TCERG1L: variants seen among roughly 807,000 people sequenced by gnomAD.
TCERG1L encodes the protein transcription elongation regulator 1-like protein.
Under a neutral mutation model 56.3 loss-of-function variants are expected in TCERG1L, and 37 were observed. The observed-to-expected ratio is 0.66, with a 90% CI of 0.51 to 0.87. The LOEUF (loss-of-function observed/expected upper bound fraction) is 0.87. Ranked by LOEUF, TCERG1L falls within the 40% of genes least tolerant of loss-of-function variation. TCERG1L has a pLI of 0.00. For missense variants in TCERG1L, 799 were observed against 774.2 expected, an observed-to-expected ratio of 1.03 and a Z score of -0.38; for synonymous variants, 324 against 326.3, an observed-to-expected ratio of 0.99 and a Z score of 0.08.
chr10:131,177,763 C>G (rs186720565), intron 4 of TCERG1L, among the ~76,000 whole-genome samples: 1 of 152,080 alleles, frequency 6.6e-6, no homozygotes, highest in African/African-American at 2.4e-5. Flanking sequence ...GCTAAGGTCA[C>G]GGCAGGAGGC....
chr10:131,163,911 T>G (rs188456053), intron 5 of TCERG1L: 1 of 152,192 alleles, frequency 6.6e-6, no homozygotes, highest in African/African-American at 2.4e-5. Context: ...GGGCAGATCA[T>G]GAAGTCAAGA....
rs921665718 is a variant in TCERG1L, at chr10:131,311,654, C to G, written c.-19G>C. 4.5e-6 allele frequency: 5 copies of G among 1,100,706 alleles called. No individual in the cohort carries two copies. The African/African-American group carries it at 8.4e-5, about 19-fold the overall frequency. The allele number at this position is 1,100,706 out of a possible 1,614,324, so 68.2% of individuals were successfully genotyped here. A position where few individuals can be genotyped will look rare whatever the true frequency, so the allele number is the denominator to read the frequency against. The stretch of plus-strand genomic sequence containing the variant: ...CCTGCATCCTACATCCCCGCGCTGA[C>G]GGCGGCGGCGGGGGCGGCGGGCGCC... On this transcript the variant is annotated 5_prime_UTR_variant, in exon 1 of 12. Coordinates refer to ENST00000368642, the MANE Select transcript of TCERG1L (RefSeq NM_174937.4). The surrounding 1 kb of genome is among the most constrained non-coding windows in gnomAD (Gnocchi z 4.0).
chr10:131,154,439 G>A (rs1845897977), intron 6 of TCERG1L, among the ~76,000 whole-genome samples: 1 of 152,200 alleles, frequency 6.6e-6, no homozygotes, highest in African/African-American at 2.4e-5. Context: ...TGAATGCCCT[G>A]TTCCAGGAGT....
At chr10:131,237,941 A>G (rs1845930732) in intron 4 of TCERG1L, among the ~76,000 whole-genome samples, 1 of 152,210 alleles carries the variant, frequency 6.6e-6, no homozygotes, top group Non-Finnish European at 1.5e-5. Flanking sequence ...GAGTTGGAGT[A>G]TTTTAAACAA....
chr10:131,121,410 C>T (rs958652305), intron 8 of TCERG1L, among the ~76,000 whole-genome samples: 6 of 152,196 alleles, frequency 3.9e-5, no homozygotes, highest in Non-Finnish European at 8.8e-5. Context: ...GAAAATGCCT[C>T]GCAATACCGC....
intron 4 of TCERG1L, among the ~76,000 whole-genome samples, chr10:131,183,114 G>A (rs1406129214): frequency 6.6e-6 from 1 of 152,098 alleles, no homozygotes; most frequent in East Asian, 1.9e-4. Context: ...CACACAAAAT[G>A]CATTTTTATG....
intron 3 of TCERG1L, among the ~76,000 whole-genome samples, chr10:131,288,909 G>A (rs770450243): frequency 6.6e-6 from 1 of 152,162 alleles, no homozygotes; most frequent in Non-Finnish European, 1.5e-5. Flanking sequence ...CATTTCCACC[G>A]TCTGGCTTCC....
intron 4 of TCERG1L, among the ~76,000 whole-genome samples, chr10:131,221,022 C>G (rs975777918): frequency 1.3e-5 from 2 of 152,192 alleles, no homozygotes; most frequent in Non-Finnish European, 1.5e-5. Context: ...CTGAGGCCCC[C>G]CCAAGCGGCT....
chr10:131,280,819 C>T (rs531918201), intron 3 of TCERG1L, among the ~76,000 whole-genome samples: 5 of 152,234 alleles, frequency 3.3e-5, no homozygotes, highest in African/African-American at 1.2e-4. Context: ...GTGGACAGCT[C>T]TGAGCCTGCA....
At chr10:131,211,809 G>A (rs1366455370) in intron 4 of TCERG1L, among the ~76,000 whole-genome samples, 1 of 152,166 alleles carries the variant, frequency 6.6e-6, no homozygotes, top group Non-Finnish European at 1.5e-5. Flanking sequence ...GTCACCTCTA[G>A]TGCAGACGGC....
At position 131,103,882 on chromosome 10, in the gene TCERG1L, T is replaced by C. The variant is rs1589775130; in HGVS notation, c.1485+383A>G. On this transcript the variant is annotated intron_variant, in intron 10 of 11. Transcript: ENST00000368642. This position sits in a 1 kb window ranked among gnomAD's most constrained non-coding sequence, Gnocchi z 4.3. ...TTTGATTCTGACAACTTTCATATTATATAAGATTTTAAGCATATAAAACCT... is the reference window on the plus strand; with the variant it reads ...TTTGATTCTGACAACTTTCATATTACATAAGATTTTAAGCATATAAAACCT... 6.6e-6 allele frequency among the ~76,000 whole-genome samples: 1 copy of C among 152,148 alleles called. No homozygotes were observed. The highest frequency in any genetic ancestry group is 1.5e-5 in the Non-Finnish European group (1 of 68,032).
chr10:131,096,129 G>A (rs535027366), intron 11 of TCERG1L, among the ~76,000 whole-genome samples: 2 of 152,334 alleles, frequency 1.3e-5, no homozygotes, highest in Non-Finnish European at 2.9e-5. Flanking sequence ...TTTCTGAGGT[G>A]TGTGTGGTCA....
chr10:131,279,585 C>T (rs542511221), intron 3 of TCERG1L, among the ~76,000 whole-genome samples: 1 of 152,132 alleles, frequency 6.6e-6, no homozygotes, highest in African/African-American at 2.4e-5. Flanking sequence ...ATCCAAGGCG[C>T]CCAGATGAAG....
rs554814296 is a variant in TCERG1L at position 131,111,256 on chromosome 10, C to T, written c.1395+5543G>A. On this transcript the variant is annotated intron_variant, in intron 9 of 11. Transcript: ENST00000368642. ...GAAACGTGTGTCTGTCTGTCTGCAC[C>T]GTCCGCCCCCACCCACCCTCATGGC... Among the ~76,000 whole-genome samples, 71 of 142,548 alleles carry T rather than the reference C, an allele frequency of 5.0e-4. 6 individuals carry two copies. The highest frequency in any genetic ancestry group is 1.7e-3 in the African/African-American group (68 of 40,560). The allele number at this position is 142,548 out of a possible 152,430, so 93.5% of individuals were successfully genotyped here.
intron 11 of TCERG1L, among the ~76,000 whole-genome samples, chr10:131,096,032 G>A (rs1845241409): frequency 6.6e-6 from 1 of 152,226 alleles, no homozygotes; most frequent in South Asian, 2.1e-4. Context: ...TAGCAGTAAT[G>A]ACAGCTACCA....
chr10:131,095,576 G>A (rs1381531682), intron 11 of TCERG1L: 2 of 152,112 alleles, frequency 1.3e-5, no homozygotes, highest in Non-Finnish European at 2.9e-5. Flanking sequence ...GTATACAGAA[G>A]ATCTGGAAAA....
chr10:131,190,249 CA>C (rs1386275448), intron 4 of TCERG1L, among the ~76,000 whole-genome samples: 2 of 151,830 alleles, frequency 1.3e-5, no homozygotes, highest in African/African-American at 4.8e-5. Context: ...CTGAGCACAC[CA>C]AAAAACAAGC....
intron 4 of TCERG1L, among the ~76,000 whole-genome samples, chr10:131,185,188 T>A (rs1364285013): frequency 6.6e-6 from 1 of 152,038 alleles, no homozygotes; most frequent in East Asian, 1.9e-4. Context: ...ACAAGATGCA[T>A]CGAGAATATA....
chr10:131,239,683 G>C (rs1392619141), intron 4 of TCERG1L, among the ~76,000 whole-genome samples: 1 of 152,238 alleles, frequency 6.6e-6, no homozygotes, highest in African/African-American at 2.4e-5. Flanking sequence ...GAGGGCCTCA[G>C]ATGCTGGCTA....
Sources: allele counts gnomAD v4.1 joint callset (sites outside exome capture counted in the v4.1 genomes callset), GRCh38; gene constraint gnomAD v4.1.1; non-coding constraint Gnocchi (gnomAD v3.1); transcripts MANE v1.5; gene names NCBI Gene and HGNC (gene_info 2026-07-23, HGNC 2026-07-21).